NYNRIN: variants seen among roughly 807,000 people sequenced by gnomAD.
NYNRIN encodes the protein NYN domain and retroviral integrase containing, also known as protein NYNRIN.
Under a neutral mutation model 146.6 loss-of-function variants are expected in NYNRIN, and 86 were observed. That is an observed-to-expected ratio of 0.59 (90% CI 0.49 to 0.70). The LOEUF is 0.70. Ranked by LOEUF, NYNRIN falls within the 30% of genes least tolerant of loss-of-function variation. The pLI is 0.00. For missense variants in NYNRIN, 2,191 were observed against 2,377.7 expected, an observed-to-expected ratio of 0.92 and a Z score of 1.63; for synonymous variants, 1,027 against 1,001.3, an observed-to-expected ratio of 1.03 and a Z score of -0.48.
At position 24,409,333 on chromosome 14, in the gene NYNRIN, T is replaced by A; in HGVS notation, c.1539T>A (p.Ala513=). ...LDFKGLEEGP[A]PVLPTGQGKP... ...TTAAGGGACTGGAAGAGGGACCCGC[T>A]CCAGTGCTGCCAACAGGGCAAGGGA... The change falls in exon 4 of 9, where the codon GCT becomes GCA. Residue 513 remains alanine (A), a synonymous_variant. Transcript: ENST00000382554. 6.2e-7 allele frequency: 1 copy of A among 1,613,958 alleles called. No homozygotes were observed. Among genetic ancestry groups the A allele is most frequent in the Middle Eastern group, 1.6e-4 (1 of 6,062 alleles).
Position 24,411,038 on chromosome 14 carries a change from G to A in NYNRIN, c.2415-38G>A, listed in dbSNP as rs779552821. On this transcript the variant is annotated intron_variant, in intron 4 of 8. Coordinates refer to ENST00000382554, the MANE Select transcript of NYNRIN (RefSeq NM_025081.3). The surrounding 1 kb of genome is among the most constrained non-coding windows in gnomAD (Gnocchi z 4.3). ...CCAGGGCTGGCTCTGAGGGAGGAGT[G>A]GTGAGGCAGGGTCTTTCCTTGTCCC... 1 of 1,611,766 alleles carries A rather than the reference G, an allele frequency of 6.2e-7. No individual in the cohort carries two copies. The highest frequency in any genetic ancestry group is 1.3e-5 in the African/African-American group (1 of 74,876).
Position 24,409,372 on chromosome 14 carries a change from AG to A in NYNRIN, c.1584del (p.Leu529Ter). On this transcript the variant is annotated frameshift_variant, in exon 4 of 9. Transcript: ENST00000382554. LOFTEE classifies it high-confidence loss of function. ...PTGQGKPVAQ[G>X]GLTDQSVPGA... is the part of the protein sequence containing the mutation. ...CAGGGCAAGGGAAGCCCGTGGCTCA[AG>A]GGGGGCTGACAGATCAGTCAGTACC... 2 of 1,614,006 alleles carry A rather than the reference AG, an allele frequency of 1.2e-6. No homozygotes were observed. The highest frequency in any genetic ancestry group is 1.7e-6 in the Non-Finnish European group (2 of 1,179,888).
Position 24,408,324 on chromosome 14 carries a change from G to A in NYNRIN, c.654G>A (p.Pro218=), listed in dbSNP as rs762912198. Residue 218 remains proline, a synonymous_variant, in exon 3 of 9, where the codon CCG becomes CCA. Coordinates refer to ENST00000382554, the MANE Select transcript of NYNRIN (RefSeq NM_025081.3). Reference sequence around the variant, plus strand: ...GCATCTCTGACTCCCACTCCGATCCGGAGGTTCTAATCTGCCCTCCCCAGC... The same window carrying A: ...GCATCTCTGACTCCCACTCCGATCCAGAGGTTCTAATCTGCCCTCCCCAGC... ...RFGISDSHSD[P]EVLICPPQQQ... 22 of 1,613,548 alleles carry A rather than the reference G, an allele frequency of 1.4e-5. No individual in the cohort carries two copies. The highest frequency in any genetic ancestry group is 1.6e-4 in the Middle Eastern group (1 of 6,082).
chr14:24,411,003 G>A lies in NYNRIN; in HGVS notation c.2415-73G>A, dbSNP rs1594741037. On this transcript the variant is annotated intron_variant, in intron 4 of 8. Coordinates refer to ENST00000382554, the MANE Select transcript of NYNRIN (RefSeq NM_025081.3). This position sits in a 1 kb window ranked among gnomAD's most constrained non-coding sequence, Gnocchi z 4.3. Reference sequence around the variant, plus strand: ...GGTGTCCTTGGTGCTGGCATTGCTTGCTTGCTGCCCCAGGGCTGGCTCTGA... The same window carrying A: ...GGTGTCCTTGGTGCTGGCATTGCTTACTTGCTGCCCCAGGGCTGGCTCTGA... 2.5e-6 allele frequency: 4 copies of A among 1,587,556 alleles called. No individual in the cohort carries two copies. Among genetic ancestry groups the A allele is most frequent in the African/African-American group, 2.7e-5 (2 of 74,140 alleles).
At chr14:24,413,282 A>C (rs372495575) in intron 7 of NYNRIN, 34 bp from the exon 8 acceptor site, 9 of 1,586,006 alleles carry the variant, frequency 5.7e-6, no homozygotes, top group Middle Eastern at 1.7e-4. Context: ...TCAAGGGCTC[A>C]CAGTGACTGT....
chr14:24,401,932 C>A (rs2042846248), intron 2 of NYNRIN, among the ~76,000 whole-genome samples: 1 of 152,184 alleles, frequency 6.6e-6, no homozygotes, highest in Non-Finnish European at 1.5e-5. Context: ...TGGCCCCAAT[C>A]TCAGCTGTAG....
intron 2 of NYNRIN, among the ~76,000 whole-genome samples, chr14:24,404,027 G>A (rs2042861619): frequency 6.6e-6 from 1 of 152,184 alleles, no homozygotes. Flanking sequence ...CTCCCAGTGA[G>A]GCCCCTTTGT....
intron 2 of NYNRIN, among the ~76,000 whole-genome samples, chr14:24,401,230 G>A (rs753848742): frequency 5.9e-5 from 9 of 152,188 alleles, no homozygotes; most frequent in Non-Finnish European, 1.2e-4. Context: ...GGCTCCCACT[G>A]TAGGCCCAGC....
chr14:24,415,503 A>G lies in NYNRIN; in HGVS notation c.3754A>G (p.Lys1252Glu). ...GGTGCGGGAGGGCCGCAGGGTTTCC[A>G]AAGCTTGGTTGATCCGATGGTCCCT... ...PEVREGRRVS[K>E]AWLIRWSLLV... is the part of the protein sequence containing the mutation. The change falls in exon 9 of 9, where the codon AAA (lysine) becomes GAA (glutamate). Residue 1252 changes from lysine to glutamate, a missense_variant. Physicochemically the swap from Lys to Glu is moderately conservative, Grantham distance 56. This residue lies in a region of NYNRIN where 1,291 missense variants were observed against 1,417.0 expected (regional missense o/e 0.91). Transcript: ENST00000382554. 6.2e-7 allele frequency: 1 copy of G among 1,613,798 alleles called. No homozygotes were observed. Among genetic ancestry groups the G allele is most frequent in the Non-Finnish European group, 8.5e-7 (1 of 1,179,826 alleles).
intron 2 of NYNRIN, among the ~76,000 whole-genome samples, chr14:24,402,962 T>C (rs556221364): frequency 6.6e-6 from 1 of 152,356 alleles, no homozygotes; most frequent in South Asian, 2.1e-4. Context: ...CATCTCCACA[T>C]TTCTAAAAGA....
chr14:24,401,669 G>C (rs2139340996), intron 2 of NYNRIN, among the ~76,000 whole-genome samples: 1 of 152,320 alleles, frequency 6.6e-6, no homozygotes, highest in Middle Eastern at 3.4e-3. Flanking sequence ...GAGTTTGTGA[G>C]AGTCTGCTGA....
In NYNRIN at chr14:24,408,229, G is replaced by C. The variant is rs2042888206; in HGVS notation, c.559G>C (p.Glu187Gln). ...DLLQLPPAVQ[E>Q]LLLSLVRDAA... Reference sequence around the variant, plus strand: ...ACTGCAGCTGCCCCCAGCGGTCCAGGAGCTGCTGCTGAGCCTGGTGCGGGA... The same window carrying C: ...ACTGCAGCTGCCCCCAGCGGTCCAGCAGCTGCTGCTGAGCCTGGTGCGGGA... The change falls in exon 3 of 9, where the codon GAG (glutamate) becomes CAG (glutamine). Residue 187 changes from glutamate to glutamine, a missense_variant. By Grantham distance (29) the Glu-to-Gln change is conservative. This residue lies in a region of NYNRIN where 895 missense variants were observed against 941.2 expected (regional missense o/e 0.95). Transcript: ENST00000382554. The C allele has an allele frequency of 6.2e-7, 1 of 1,606,680 alleles. No homozygotes were observed. The highest frequency in any genetic ancestry group is 1.3e-5 in the African/African-American group (1 of 74,880).
intron 2 of NYNRIN, 94 bp downstream of exon 2, chr14:24,399,538 C>A: frequency 8.9e-7 from 1 of 1,125,874 alleles, no homozygotes; most frequent in Non-Finnish European, 1.3e-6. Flanking sequence ...AGACACCACC[C>A]ACCCTGCCCC....
rs2139357014 is a variant in NYNRIN, at chr14:24,417,814, C to T, written c.*368C>T. On this transcript the variant is annotated 3_prime_UTR_variant, in exon 9 of 9. Transcript: ENST00000382554. ...CACACACACTCACGAAAGAATCTAT[C>T]TTGGCCATGAAACTGTGGCTGTTGA... 1 of 221,352 alleles carries T rather than the reference C, an allele frequency of 4.5e-6. No individual in the cohort carries two copies. Among genetic ancestry groups the T allele is most frequent in the Middle Eastern group, 1.7e-3 (1 of 604 alleles). 13.7% of individuals were successfully genotyped at this position (221,352 alleles called of 1,614,324 possible).
intron 2 of NYNRIN, among the ~76,000 whole-genome samples, chr14:24,403,154 T>A (rs1406119575): frequency 6.6e-6 from 1 of 152,254 alleles, no homozygotes; most frequent in African/African-American, 2.4e-5. Context: ...CACATAGCGT[T>A]CACATCGAAG....
chr14:24,414,505 C>G, intron 8 of NYNRIN, 91 bp from the exon 9 acceptor site: 1 of 1,453,488 alleles, frequency 6.9e-7, no homozygotes, highest in Non-Finnish European at 9.0e-7. Flanking sequence ...CCTCAGGACA[C>G]TTTGGAATGG....
chr14:24,400,219 C>G (rs2042832602), intron 2 of NYNRIN, among the ~76,000 whole-genome samples: 1 of 152,126 alleles, frequency 6.6e-6, no homozygotes. Context: ...AAAGGGCTTG[C>G]TATGTGGGGC....
chr14:24,414,701 G>C lies in NYNRIN; in HGVS notation c.2952G>C (p.Glu984Asp). Residue 984 changes from glutamate to aspartate, a missense_variant, in exon 9 of 9, where the codon GAG becomes GAC. Coordinates refer to ENST00000382554, the MANE Select transcript of NYNRIN (RefSeq NM_025081.3). ...ATGACGCTGACTCTGGGCCCCTGGA[G>C]AGTCTGCCGAATATGGAAGAAGTCA... is the stretch of plus-strand genomic sequence containing the variant. ...LSDDADSGPL[E>D]SLPNMEEVRE... is the part of the protein sequence containing the mutation. The C allele has an allele frequency of 6.2e-7, 1 of 1,613,664 alleles. No homozygotes were observed. The highest frequency in any genetic ancestry group is 1.3e-5 in the African/African-American group (1 of 75,050).
At chr14:24,412,527 T>C (rs2042918468) in intron 6 of NYNRIN, 1 of 161,732 alleles carries the variant, frequency 6.2e-6, no homozygotes. Context: ...AGCATTATAA[T>C]GGAATATTTG....
Sources: allele counts gnomAD v4.1 joint callset (sites outside exome capture counted in the v4.1 genomes callset), GRCh38; gene constraint gnomAD v4.1.1; regional missense constraint gnomAD v4.1.1; non-coding constraint Gnocchi (gnomAD v3.1); transcripts MANE v1.5; gene names NCBI Gene and HGNC (gene_info 2026-07-23, HGNC 2026-07-21).